Variants in CLUH observed in about 807,000 individuals in gnomAD.
CLUH encodes clustered mitochondria protein homolog.
CLUH carries 77 observed loss-of-function variants against 139.3 expected under a neutral mutation model. The observed-to-expected ratio is 0.55, with a 90% CI of 0.46 to 0.67. CLUH has a LOEUF of 0.67. CLUH is among the 30% of genes least tolerant of loss of function. CLUH has a pLI of 0.00. For missense variants in CLUH, 1,876 were observed against 1,875.8 expected, an observed-to-expected ratio of 1.00 and a Z score of 0.00; for synonymous variants, 999 against 801.6, an observed-to-expected ratio of 1.25 and a Z score of -4.16.
At chr17:2,700,221 G>A (rs999012409) in intron 9 of CLUH, among the ~76,000 whole-genome samples, 161 bp downstream of exon 9, 3 of 152,232 alleles carry the variant, frequency 2.0e-5, no homozygotes, top group East Asian at 1.9e-4. Flanking sequence ...GCTGGGAGGC[G>A]GAAGGCTAGC....
At position 2,690,185 on chromosome 17, in the gene CLUH, A is replaced by AAATC. The variant is rs1452585888; in HGVS notation, c.*405_*408dup. 2.2e-5 allele frequency: 4 copies of AAATC among 179,380 alleles called. No individual in the cohort carries two copies. Among genetic ancestry groups the AAATC allele is most frequent in the African/African-American group, 9.4e-5 (4 of 42,524 alleles). 11.1% of individuals were successfully genotyped at this position (179,380 alleles called of 1,614,324 possible). On this transcript the variant is annotated 3_prime_UTR_variant, in exon 26 of 26. Coordinates refer to ENST00000651024, the MANE Select transcript of CLUH (RefSeq NM_001366661.1). ...ATGTCGACCATACAAATGACCTGAGAAATCCCGTCTGCGCGTCACCCACTC... is the reference window on the plus strand; with the variant it reads ...ATGTCGACCATACAAATGACCTGAGAAATCAATCCCGTCTGCGCGTCACCCACTC...
intron 25 of CLUH, among the ~76,000 whole-genome samples, chr17:2,691,237 C>T (rs936561074): frequency 1.3e-5 from 2 of 152,178 alleles, no homozygotes; most frequent in Non-Finnish European, 2.9e-5. Flanking sequence ...ACACCAAGGT[C>T]TTCACTCGCG....
At chr17:2,692,513 G>A in intron 21 of CLUH, 31 bp from the exon 22 acceptor site, 1 of 1,597,466 alleles carries the variant, frequency 6.3e-7, no homozygotes, top group South Asian at 1.1e-5. Flanking sequence ...GCCCTGGTCA[G>A]CTCCCGGTCC....
At chr17:2,700,054 T>A (rs551143679) in intron 9 of CLUH, among the ~76,000 whole-genome samples, 2 of 152,244 alleles carry the variant, frequency 1.3e-5, no homozygotes. Context: ...AGAAGGGCCA[T>A]GGCCGGCCAG....
In CLUH at chr17:2,698,333, C is replaced by G. The variant is rs1434109831; in HGVS notation, c.1524G>C (p.Leu508=). 1.2e-6 allele frequency: 2 copies of G among 1,613,170 alleles called. No individual in the cohort carries two copies. Among genetic ancestry groups the G allele is most frequent in the Non-Finnish European group, 1.7e-6 (2 of 1,179,770 alleles). The change falls in exon 10 of 26, where the codon CTG becomes CTC. Residue 508 remains leucine, a synonymous_variant. Transcript: ENST00000651024. Reference sequence around the variant, plus strand: ...CGCGGTAATCCACCACCACCGTGCCCAGCGTGTACAGCCCCTCCACGTCCA... The same window carrying G: ...CGCGGTAATCCACCACCACCGTGCCGAGCGTGTACAGCCCCTCCACGTCCA... The part of the protein sequence containing the change: ...NAVDVEGLYT[L]GTVVVDYRGY...
chr17:2,696,873 G>A lies in CLUH; in HGVS notation c.2031C>T (p.Pro677=), dbSNP rs199931367. The change falls in exon 11 of 26, where the codon CCC becomes CCT. Residue 677 remains proline (P), a synonymous_variant. Coordinates refer to ENST00000651024, the MANE Select transcript of CLUH (RefSeq NM_001366661.1). ...AAGGACCACCATTTTCCAGGGAGGA[G>A]GGGGTCTCCAGCTGGCTGGCGTTCT... ...MQQNASQLET[P]SSLENGGPSS... 86 of 1,613,122 alleles carry A rather than the reference G, an allele frequency of 5.3e-5. 1 individual carries two copies. The African/African-American group carries it at 9.6e-4, about 18-fold the overall frequency.
At position 2,696,844 on chromosome 17, in the gene CLUH, G is replaced by T; in HGVS notation, c.2060C>A (p.Ser687Tyr). 1.2e-6 allele frequency: 2 copies of T among 1,613,596 alleles called. No individual in the cohort carries two copies. The highest frequency in any genetic ancestry group is 1.7e-6 in the Non-Finnish European group (2 of 1,179,876). Reference protein sequence around the residue: ...PSSLENGGPSSLESKSEDPPG... With the variant: ...PSSLENGGPSYLESKSEDPPG... ...AGGATCCTCAGACTTGGACTCCAAG[G>T]AGGAAGGACCACCATTTTCCAGGGA... Residue 687 changes from serine (S) to tyrosine (Y), a missense_variant, in exon 11 of 26, where the codon TCC (serine) becomes TAC (tyrosine). Coordinates refer to ENST00000651024, the MANE Select transcript of CLUH (RefSeq NM_001366661.1).
Position 2,697,960 on chromosome 17 carries a change from G to C in CLUH, c.1897C>G (p.Arg633Gly). Residue 633 changes from arginine (R) to glycine (G), a missense_variant, in exon 10 of 26, where the codon CGC becomes GGC. Physicochemically the swap from Arg to Gly is moderately radical, Grantham distance 125. Around this residue, in one of 3 missense-constraint regions of CLUH, gnomAD observed 1,454 missense variants for 1,384.4 expected, o/e 1.05. Coordinates refer to ENST00000651024, the MANE Select transcript of CLUH (RefSeq NM_001366661.1). Reference sequence around the variant, plus strand: ...CAGCAGAGCTTGTGCCGGTGGGCGCGGGGGAAGCCGGCGCGGGCGCATTCC... The same window carrying C: ...CAGCAGAGCTTGTGCCGGTGGGCGCCGGGGAAGCCGGCGCGGGCGCATTCC... ...PEECARAGFPRAHRHKLCCLR... is the reference protein window; with the variant it reads ...PEECARAGFPGAHRHKLCCLR... 1 of 1,569,624 alleles carries C rather than the reference G, an allele frequency of 6.4e-7. No homozygotes were observed.
At position 2,697,970 on chromosome 17, in the gene CLUH, G is replaced by T; in HGVS notation, c.1887C>A (p.Ala629=). ...GEELPEECAR[A]GFPRAHRHKL... is the part of the protein sequence containing the mutation. ...TGTGCCGGTGGGCGCGGGGGAAGCC[G>T]GCGCGGGCGCATTCCTCAGGCAGCT... Residue 629 remains alanine, a synonymous_variant, in exon 10 of 26, where the codon GCC becomes GCA. Transcript: ENST00000651024. 1 of 1,576,010 alleles carries T rather than the reference G, an allele frequency of 6.3e-7. No homozygotes were observed.
In CLUH at chr17:2,690,560, G is replaced by T; in HGVS notation, c.*34C>A. ...CCCGCAGTCGGGCTCCCTGGTGACG[G>T]GGCCGCTGGCTGGCTGTCCGTCTGG... On this transcript the variant is annotated 3_prime_UTR_variant, in exon 26 of 26. Coordinates refer to ENST00000651024, the MANE Select transcript of CLUH (RefSeq NM_001366661.1). 7.0e-7 allele frequency: 1 copy of T among 1,419,910 alleles called. No individual in the cohort carries two copies. The allele number at this position is 1,419,910 out of a possible 1,614,324, so 88.0% of individuals were successfully genotyped here. A position where few individuals can be genotyped will look rare whatever the true frequency, so the allele number is the denominator to read the frequency against.
chr17:2,692,374 T>G lies in CLUH; in HGVS notation c.3547A>C (p.Lys1183Gln), dbSNP rs1345255708. ...STKYHGPKAL[K>Q]VALSHHLVAR... ...GCGGCCCCTCACCTGAGGGCCACCTTGAGGGCCTTGGGCCCGTGGTACTTG... is the reference window on the plus strand; with the variant it reads ...GCGGCCCCTCACCTGAGGGCCACCTGGAGGGCCTTGGGCCCGTGGTACTTG... Residue 1183 changes from lysine (K) to glutamine (Q), a missense_variant, in exon 22 of 26, where the codon AAG becomes CAG. By Grantham distance (53) the Lys-to-Gln change is moderately conservative (BLOSUM62 1). Transcript: ENST00000651024. The G allele has an allele frequency of 2.5e-6, 4 of 1,586,508 alleles. No individual in the cohort carries two copies. In the South Asian group the frequency reaches 4.5e-5, roughly 18 times the overall value.
At chr17:2,701,033 G>A (rs1054271410) in intron 7 of CLUH, 107 bp downstream of exon 7, 41 of 1,569,728 alleles carry the variant, frequency 2.6e-5, no homozygotes, top group Non-Finnish European at 3.3e-5. Flanking sequence ...CCAACACTGG[G>A]GGCCCAGGGC....
At chr17:2,695,578 A>G in intron 13 of CLUH, 52 bp from the exon 14 acceptor site, 2 of 1,518,828 alleles carry the variant, frequency 1.3e-6, no homozygotes, top group African/African-American at 1.4e-5. Flanking sequence ...CCTCCACCCA[A>G]CTGAGTCCTT....
chr17:2,698,061 T>C lies in CLUH; in HGVS notation c.1796A>G (p.His599Arg), dbSNP rs775978796. The C allele has an allele frequency of 3.1e-6, 5 of 1,606,800 alleles. No individual in the cohort carries two copies. The highest frequency in any genetic ancestry group is 3.3e-5 in the Admixed American group (2 of 59,752). Residue 599 changes from histidine (H) to arginine (R), a missense_variant, in exon 10 of 26, where the codon CAC becomes CGC. Physicochemically the swap from His to Arg is conservative, Grantham distance 29 (BLOSUM62 0). This residue lies in a region of CLUH where 1,454 missense variants were observed against 1,384.4 expected (regional missense o/e 1.05). Coordinates refer to ENST00000651024, the MANE Select transcript of CLUH (RefSeq NM_001366661.1). ...GGTGCGCAGCAGGTCGAGGATGTAG[T>C]GGCGCCCGTCGTTGCCAATGATGCC... The part of the protein sequence containing the change: ...CKGIIGNDGR[H>R]YILDLLRTFP...
intron 19 of CLUH, 126 bp from the exon 20 acceptor site, chr17:2,692,986 C>A: frequency 1.1e-6 from 1 of 889,428 alleles, no homozygotes; most frequent in Non-Finnish European, 1.6e-6. Context: ...CTGCGCCCAG[C>A]ACAGTGCAGC....
At chr17:2,702,283 T>G (rs538361685) in intron 3 of CLUH, among the ~76,000 whole-genome samples, 23 of 152,358 alleles carry the variant, frequency 1.5e-4, no homozygotes, top group Admixed American at 1.2e-3. Context: ...GATCTTTGTT[T>G]ATAAAGAACT....
rs1056672055 is a variant in CLUH, at chr17:2,690,342, G to A, written c.*252C>T. ...GAAGCAACACCTGCCCCCCAGCCGG[G>A]AACTGATGGCCGCACACGCCATTCA... is the stretch of plus-strand genomic sequence containing the variant. On this transcript the variant is annotated 3_prime_UTR_variant, in exon 26 of 26. Coordinates refer to ENST00000651024, the MANE Select transcript of CLUH (RefSeq NM_001366661.1). 2.4e-6 allele frequency: 1 copy of A among 413,990 alleles called. No homozygotes were observed. Among genetic ancestry groups the A allele is most frequent in the South Asian group, 7.6e-5 (1 of 13,228 alleles). 25.6% of individuals were successfully genotyped at this position (413,990 alleles called of 1,614,324 possible). A position where few individuals can be genotyped will look rare whatever the true frequency, so the allele number is the denominator to read the frequency against.
chr17:2,691,140 G>A (rs2069609816), intron 25 of CLUH, among the ~76,000 whole-genome samples: 1 of 148,868 alleles, frequency 6.7e-6, no homozygotes, highest in African/African-American at 2.5e-5. Flanking sequence ...GCCCCCCCCC[G>A]CCGCAGGATG....
Position 2,701,114 on chromosome 17 carries a change from A to G in CLUH, c.1025+26T>C, listed in dbSNP as rs747101391. On this transcript the variant is annotated intron_variant, in intron 7 of 25. Coordinates refer to ENST00000651024, the MANE Select transcript of CLUH (RefSeq NM_001366661.1). ...CCCATGCCCCCGTGTGCCATGAGAC[A>G]AGGCGGGAGGGGACAAAGGCACTAC... 5.6e-6 allele frequency: 9 copies of G among 1,613,520 alleles called. No individual in the cohort carries two copies. In the East Asian group the frequency reaches 1.8e-4, roughly 32 times the overall value.
Sources: gnomAD v4.1 joint callset for allele counts (sites outside exome capture counted in the v4.1 genomes callset) on GRCh38, gnomAD v4.1.1 for gene constraint, gnomAD v4.1.1 regional missense constraint, MANE v1.5 for transcripts, NCBI Gene and HGNC (gene_info 2026-07-23, HGNC 2026-07-21) for gene names.